The following GPC6 variants were observed in gnomAD, a reference collection of about 807,000 sequenced individuals.
GPC6 encodes the protein glypican-6.
A neutral mutation model predicts 55.2 loss-of-function variants in GPC6; 14 were observed. That is an observed-to-expected ratio of 0.25 (90% CI 0.17 to 0.40). The LOEUF is 0.40. Ranked by LOEUF, GPC6 falls within the 10% of genes least tolerant of loss-of-function variation. GPC6 has a pLI of 1.00. For missense variants in GPC6, 641 were observed against 708.5 expected (o/e 0.90, Z 1.08); for synonymous variants, 278 against 259.6 (o/e 1.07, Z -0.68).
At chr13:94,039,370 G>A (rs1883452206) in intron 4 of GPC6, among the ~76,000 whole-genome samples, 1 of 151,872 alleles carries the variant, frequency 6.6e-6, no homozygotes, top group South Asian at 2.1e-4. Context: ...GGTCATCTAA[G>A]CATGGCACAA....
chr13:94,403,338 G>C lies in GPC6; in HGVS notation c.*121G>C. ...AAACTTACCGTTTTCTATGAGAAGAGAGCAGTAATGCAATCTGCCTCCCTT... is the reference window on the plus strand; with the variant it reads ...AAACTTACCGTTTTCTATGAGAAGACAGCAGTAATGCAATCTGCCTCCCTT... On this transcript the variant is annotated 3_prime_UTR_variant, in exon 9 of 9. Transcript: ENST00000377047. 4.0e-6 allele frequency: 3 copies of C among 758,726 alleles called. No individual in the cohort carries two copies. The highest frequency in any genetic ancestry group is 6.9e-6 in the Non-Finnish European group (3 of 437,310). 47.0% of individuals were successfully genotyped at this position (758,726 alleles called of 1,614,324 possible). A position where few individuals can be genotyped will look rare whatever the true frequency, so the allele number is the denominator to read the frequency against.
rs777810898 is a variant in GPC6, at chr13:94,114,238, T to C, written c.877+86344T>C. ...TTTTGGTTCTGGGATTAAATCTACA[T>C]GTGTAGTCTTCTCTCTCAAAAATGG... On this transcript the variant is annotated intron_variant, in intron 4 of 8. Transcript: ENST00000377047. Among the ~76,000 whole-genome samples, 281 of 151,790 alleles carry C rather than the reference T, an allele frequency of 1.9e-3. 2 individuals carry two copies. Among genetic ancestry groups the C allele is most frequent in the Non-Finnish European group, 3.2e-3 (215 of 67,946 alleles).
intron 1 of GPC6, among the ~76,000 whole-genome samples, chr13:93,229,186 T>C (rs957826064): frequency 2.0e-5 from 3 of 152,142 alleles, no homozygotes; most frequent in African/African-American, 7.2e-5. Flanking sequence ...TAACTCTCCT[T>C]CTCCTTTGTC....
chr13:93,439,796 C>T (rs1877721066), intron 1 of GPC6, among the ~76,000 whole-genome samples: 1 of 152,132 alleles, frequency 6.6e-6, no homozygotes, highest in African/African-American at 2.4e-5. Context: ...GGCTTTTCTA[C>T]AGACTTCAGA....
chr13:94,283,461 C>T (rs1268830615), intron 4 of GPC6, among the ~76,000 whole-genome samples: 1 of 152,214 alleles, frequency 6.6e-6, no homozygotes, highest in East Asian at 1.9e-4. Context: ...AAACTCCATG[C>T]TTACACAAGT....
chr13:94,183,689 C>T (rs1023847492), intron 4 of GPC6, among the ~76,000 whole-genome samples: 4 of 152,156 alleles, frequency 2.6e-5, no homozygotes, highest in Non-Finnish European at 5.9e-5. Flanking sequence ...CAGAAATCTA[C>T]GAGGGTTTCA....
In GPC6 at chr13:94,120,261, G is replaced by A. The variant is rs892276179; in HGVS notation, c.877+92367G>A. On this transcript the variant is annotated intron_variant, in intron 4 of 8. Transcript: ENST00000377047. ...GTGCTGTTCTGAAAACAGGTGATAG[G>A]TGGTCAAAGGCAGGAGCAGGGAGAC... Among the ~76,000 whole-genome samples the A allele has an allele frequency of 2.4e-4, 36 of 152,112 alleles. 1 individual carries two copies. The highest frequency in any genetic ancestry group is 8.4e-4 in the African/African-American group (35 of 41,526).
chr13:93,478,937 A>C (rs538464404), intron 1 of GPC6, among the ~76,000 whole-genome samples: 1 of 152,340 alleles, frequency 6.6e-6, no homozygotes, highest in African/African-American at 2.4e-5. Flanking sequence ...AGATATTTAC[A>C]AAGTCCTGTA....
intron 1 of GPC6, among the ~76,000 whole-genome samples, chr13:93,250,882 A>G (rs1876763453): frequency 6.6e-6 from 1 of 152,208 alleles, no homozygotes; most frequent in Non-Finnish European, 1.5e-5. Flanking sequence ...AATTTACAAA[A>G]GAAAGAGGTT....
chr13:93,741,074 A>G (rs1278687067), intron 2 of GPC6, among the ~76,000 whole-genome samples: 2 of 143,076 alleles, frequency 1.4e-5, no homozygotes, highest in Non-Finnish European at 3.1e-5. Context: ...TAGTTTTTCT[A>G]TTATGTTTGA....
chr13:93,280,178 C>G lies in GPC6; in HGVS notation c.160+52562C>G, dbSNP rs115059577. Among the ~76,000 whole-genome samples the G allele has an allele frequency of 9.5e-3, 1,441 of 152,110 alleles. 22 individuals carry two copies. The highest frequency in any genetic ancestry group is 0.032 in the African/African-American group (1,340 of 41,492). On this transcript the variant is annotated intron_variant, in intron 1 of 8. Transcript: ENST00000377047. ...TCCTCAGGTTCACATGTGGGGGGGG[C>G]CAGACCAAAGCTTACTTTCTAGGTA...
intron 1 of GPC6, among the ~76,000 whole-genome samples, chr13:93,443,497 A>G (rs1877883246): frequency 1.3e-5 from 2 of 152,256 alleles, no homozygotes; most frequent in Non-Finnish European, 2.9e-5. Flanking sequence ...GTAATTGGGT[A>G]GCAAGAAGTG....
intron 2 of GPC6, among the ~76,000 whole-genome samples, chr13:93,745,507 A>G (rs1025781774): frequency 3.3e-5 from 5 of 152,034 alleles, no homozygotes; most frequent in African/African-American, 1.2e-4. Flanking sequence ...TACTGTTTCT[A>G]TTATTATTTA....
At chr13:94,366,500 A>G (rs1232862692) in intron 6 of GPC6, among the ~76,000 whole-genome samples, 1 of 152,246 alleles carries the variant, frequency 6.6e-6, no homozygotes, top group Admixed American at 6.5e-5. Context: ...AGCAGAGGTC[A>G]GGTTTAAAAT....
At chr13:93,979,947 T>TA (rs961430201) in intron 3 of GPC6, among the ~76,000 whole-genome samples, 17 of 151,994 alleles carry the variant, frequency 1.1e-4, no homozygotes, top group African/African-American at 2.7e-4. Context: ...ATTTGCAAAT[T>TA]AAAAAAACAA....
chr13:94,190,482 C>T (rs1048599508), intron 4 of GPC6, among the ~76,000 whole-genome samples: 1 of 151,924 alleles, frequency 6.6e-6, no homozygotes, highest in Non-Finnish European at 1.5e-5. Context: ...TAGTTGATGA[C>T]AAAGAAAGAC....
rs1047420993 is a variant in GPC6 at position 93,889,971 on chromosome 13, C to A, written c.711+59426C>A. On this transcript the variant is annotated intron_variant, in intron 3 of 8. Coordinates refer to ENST00000377047, the MANE Select transcript of GPC6 (RefSeq NM_005708.5). The stretch of plus-strand genomic sequence containing the variant: ...ATACCATTCTATAGAATCATTAAAT[C>A]AAAAAAAAATTCTACGCAGGAAAAA... Among the ~76,000 whole-genome samples, 4 of 150,338 alleles carry A rather than the reference C, an allele frequency of 2.7e-5. No individual in the cohort carries two copies. The East Asian group carries it at 7.8e-4, about 29-fold the overall frequency.
At chr13:93,540,664 A>G (rs1307174511) in intron 1 of GPC6, among the ~76,000 whole-genome samples, 1 of 152,170 alleles carries the variant, frequency 6.6e-6, no homozygotes, top group Non-Finnish European at 1.5e-5. Context: ...CATCTTAAAC[A>G]TTTATCATTT....
At chr13:93,304,579 G>A (rs1878793200) in intron 1 of GPC6, among the ~76,000 whole-genome samples, 3 of 152,172 alleles carry the variant, frequency 2.0e-5, no homozygotes, top group Admixed American at 2.0e-4. Context: ...ACTATGTTTT[G>A]GAGAACATAG....
Sources: gnomAD v4.1 joint callset for allele counts (sites outside exome capture counted in the v4.1 genomes callset) on GRCh38, gnomAD v4.1.1 for gene constraint, MANE v1.5 for transcripts, NCBI Gene and HGNC (gene_info 2026-07-23, HGNC 2026-07-21) for gene names.